Variants in NAA38 observed in about 807,000 individuals in gnomAD.
NAA38 encodes LSM domain containing 1.
NAA38 carries 15 observed loss-of-function variants against 12.6 expected under a neutral mutation model. That is an observed-to-expected ratio of 1.19 (90% CI 0.79 to 1.83). NAA38 has a LOEUF of 1.83. Among genes scored for constraint, NAA38 ranks in the 40% most tolerant of loss-of-function variants. NAA38 has a pLI of 0.00. For missense variants in NAA38, 183 were observed against 171.7 expected (o/e 1.07, Z -0.37); for synonymous variants, 88 against 69.9 (o/e 1.26, Z -1.29).
chr17:7,875,475 C>T (rs760062413), intron 2 of NAA38, among the ~76,000 whole-genome samples: 5 of 152,084 alleles, frequency 3.3e-5, no homozygotes, highest in Admixed American at 1.3e-4. Context: ...GGTAGGACTA[C>T]AGGCATGAGC....
rs144941102 is a variant in NAA38 at position 7,856,840 on chromosome 17, G to T, written c.269C>A (p.Ser90Tyr). Reference sequence around the variant, plus strand: ...CACACGGGGCTCCCCGGCAGAGAAGGAATCTGGAAAGAAGGATCAGAGCAT... The same window carrying T: ...CACACGGGGCTCCCCGGCAGAGAAGTAATCTGGAAAGAAGGATCAGAGCAT... ...SAQEFLKPSD[S>Y]FSAGEPRVLG... Residue 90 changes from serine to tyrosine, a missense_variant, in exon 3 of 3, where the codon TCC becomes TAC. Coordinates refer to ENST00000575771, the MANE Select transcript of NAA38 (RefSeq NM_001320925.4). 1,500 of 1,613,676 alleles carry T rather than the reference G, an allele frequency of 9.3e-4. 1 individual carries two copies. The highest frequency in any genetic ancestry group is 1.2e-3 in the Non-Finnish European group (1,392 of 1,179,952).
At chr17:7,857,929 C>CTTAT (rs746159029), upstream of NAA38, 11 of 1,427,740 alleles carry the variant, frequency 7.7e-6, no homozygotes, top group Non-Finnish European at 1.0e-5. Flanking sequence ...ACTCATACTA[C>CTTAT]GTTTCCCGTG....
chr17:7,857,864 C>T, upstream of NAA38: 3 of 1,382,750 alleles, frequency 2.2e-6, no homozygotes, highest in Non-Finnish European at 2.8e-6. Context: ...CCCCACCCCG[C>T]AACTCCTGAA....
upstream of NAA38, chr17:7,858,654 C>T (rs768861312): frequency 1.9e-6 from 3 of 1,609,054 alleles, no homozygotes; most frequent in South Asian, 1.1e-5. Flanking sequence ...GTACTGCACC[C>T]CGCGGGGCCG....
chr17:7,857,040 C>G lies in NAA38; in HGVS notation c.240G>C (p.Ser80=). 6.2e-7 allele frequency: 1 copy of G among 1,611,412 alleles called. No homozygotes were observed. Among genetic ancestry groups the G allele is most frequent in the Non-Finnish European group, 8.5e-7 (1 of 1,178,438 alleles). Residue 80 remains serine, a synonymous_variant, in exon 2 of 3, where the codon TCG becomes TCC. Transcript: ENST00000575771. Reference sequence around the variant, plus strand: ...CCGACGGCTTGAGGAACTCCTGCGCCGAGCCCAGGATGACATTGCAGTCAC... The same window carrying G: ...CCGACGGCTTGAGGAACTCCTGCGCGGAGCCCAGGATGACATTGCAGTCAC... ...TDRDCNVILG[S]AQEFLKPSDS...
At chr17:7,875,215 C>T (rs1468681794) in intron 2 of NAA38, among the ~76,000 whole-genome samples, 1 of 151,884 alleles carries the variant, frequency 6.6e-6, no homozygotes, top group Non-Finnish European at 1.5e-5. Context: ...CAAAACAAAA[C>T]AAAAAACCCT....
At chr17:7,884,474 A>ATATATATATG (rs1364671914) in intron 1 of NAA38, among the ~76,000 whole-genome samples, 1 of 141,600 alleles carries the variant, frequency 7.1e-6, no homozygotes, top group South Asian at 2.2e-4. Context: ...ATATATATAT[A>ATATATATATG]TATGTATATA....
chr17:7,877,079 T>G, intron 2 of NAA38: 1 of 380,148 alleles, frequency 2.6e-6, no homozygotes, highest in South Asian at 1.9e-5. Context: ...TCATGAGGAA[T>G]TATTTCTTTA....
chr17:7,882,859 C>T (rs963231014), intron 2 of NAA38, among the ~76,000 whole-genome samples: 6 of 152,072 alleles, frequency 3.9e-5, no homozygotes, highest in African/African-American at 1.2e-4. Context: ...TCCTGAGCAC[C>T]GCCGAAGATG....
At chr17:7,866,180 G>A (rs1042754764) in intron 3 of NAA38, 9 of 182,122 alleles carry the variant, frequency 4.9e-5, no homozygotes, top group South Asian at 2.1e-4. Flanking sequence ...TCCGCCTCCC[G>A]GGTTCACGCC....
chr17:7,858,002 CA>C, upstream of NAA38: 1 of 1,516,300 alleles, frequency 6.6e-7, no homozygotes, highest in Non-Finnish European at 8.8e-7. Flanking sequence ...CGGAAAAGGA[CA>C]ATGGTTTCCA....
chr17:7,872,681 C>T (rs1481777852), intron 2 of NAA38, among the ~76,000 whole-genome samples: 1 of 152,216 alleles, frequency 6.6e-6, no homozygotes, highest in African/African-American at 2.4e-5. Flanking sequence ...TTTAATGTCA[C>T]TATTTAATCC....
At chr17:7,862,389 T>C (rs536409648), upstream of NAA38, 1 of 152,302 alleles carries the variant, frequency 6.6e-6, no homozygotes, top group Non-Finnish European at 1.5e-5. Context: ...ATAGTCTCTA[T>C]CCATAGGATT....
chr17:7,872,728 C>G (rs1266424633), intron 2 of NAA38, among the ~76,000 whole-genome samples: 3 of 152,174 alleles, frequency 2.0e-5, no homozygotes, highest in South Asian at 2.1e-4. Context: ...AAGGATCTAC[C>G]TTTTATATTT....
At chr17:7,884,867 G>A in intron 1 of NAA38, 1 of 1,269,366 alleles carries the variant, frequency 7.9e-7, no homozygotes, top group East Asian at 3.1e-5. Flanking sequence ...GTCGGAGGAG[G>A]AAGAAGAGGA....
intron 2 of NAA38, among the ~76,000 whole-genome samples, chr17:7,873,382 A>G (rs1010579849): frequency 1.4e-4 from 22 of 152,186 alleles, no homozygotes; most frequent in Non-Finnish European, 3.1e-4. Flanking sequence ...TCTGATTTTC[A>G]GCAACCAGGA....
At chr17:7,866,309 C>G (rs1294505797) in intron 3 of NAA38, among the ~76,000 whole-genome samples, 2 of 138,602 alleles carry the variant, frequency 1.4e-5, no homozygotes, top group South Asian at 4.6e-4. Flanking sequence ...GGGGTTTTAC[C>G]GTGTTAGCCA....
At chr17:7,867,529 G>A (rs1392852267) in intron 2 of NAA38, among the ~76,000 whole-genome samples, 2 of 152,090 alleles carry the variant, frequency 1.3e-5, no homozygotes, top group African/African-American at 4.8e-5. Context: ...AGTAGAGACG[G>A]GGTTTCACCA....
chr17:7,856,872 A>G (rs2078821121), intron 2 of NAA38, 29 bp from the exon 3 acceptor site: 2 of 1,610,680 alleles, frequency 1.2e-6, no homozygotes, highest in Non-Finnish European at 1.7e-6. Context: ...GCATCAGGAA[A>G]GTAGGCCAGA....
Sources: allele counts gnomAD v4.1 joint callset (sites outside exome capture counted in the v4.1 genomes callset), GRCh38; gene constraint gnomAD v4.1.1; transcripts MANE v1.5; gene names NCBI Gene and HGNC (gene_info 2026-07-23, HGNC 2026-07-21).